FHIP1A: variants seen among roughly 807,000 people sequenced by gnomAD.
The protein encoded by FHIP1A is FHF complex subunit HOOK interacting protein 1A, also known as FHF complex subunit HOOK-interacting protein 1A.
FHIP1A carries 61 observed loss-of-function variants against 88.6 expected under a neutral mutation model. The ratio of observed to expected loss-of-function variants is 0.69; its 90% confidence interval spans 0.56 to 0.85. FHIP1A has a LOEUF of 0.85. Among genes scored for constraint, FHIP1A ranks in the 40% least tolerant of loss-of-function variants. FHIP1A has a pLI of 0.00. For missense variants in FHIP1A, 1,154 were observed against 1,273.5 expected, an observed-to-expected ratio of 0.91 and a Z score of 1.43; for synonymous variants, 478 against 496.0, an observed-to-expected ratio of 0.96 and a Z score of 0.48.
At chr4:151,418,990 G>A (rs1733008680) in intron 1 of FHIP1A, among the ~76,000 whole-genome samples, 1 of 151,994 alleles carries the variant, frequency 6.6e-6, no homozygotes, top group African/African-American at 2.4e-5. Context: ...CACCTATCAT[G>A]GTCTCTGTTG....
At chr4:151,550,671 T>C (rs1732694631) in intron 3 of FHIP1A, among the ~76,000 whole-genome samples, 1 of 152,220 alleles carries the variant, frequency 6.6e-6, no homozygotes, top group Admixed American at 6.5e-5. Context: ...AAAACTAATA[T>C]TTTCCCTCTC....
At chr4:151,413,746 C>T (rs1199971737) in intron 1 of FHIP1A, among the ~76,000 whole-genome samples, 1 of 151,826 alleles carries the variant, frequency 6.6e-6, no homozygotes, top group Non-Finnish European at 1.5e-5. Flanking sequence ...TGAGCCACCG[C>T]GCCTGGCCTC....
At chr4:151,510,740 C>T (rs180789291) in intron 3 of FHIP1A, among the ~76,000 whole-genome samples, 9 of 152,266 alleles carry the variant, frequency 5.9e-5, no homozygotes, top group African/African-American at 1.9e-4. Flanking sequence ...TTTCTGGTAA[C>T]AGCAGTAAGG....
intron 9 of FHIP1A, among the ~76,000 whole-genome samples, chr4:151,645,124 C>T (rs983582860): frequency 3.9e-5 from 6 of 152,124 alleles, no homozygotes; most frequent in African/African-American, 9.7e-5. Flanking sequence ...CATGAAACTG[C>T]GCTTATGAAA....
In FHIP1A at chr4:151,656,986, G is replaced by T; in HGVS notation, c.2869+88G>T. On this transcript the variant is annotated intron_variant, in intron 13 of 13. Coordinates refer to ENST00000435205, the MANE Select transcript of FHIP1A (RefSeq NM_001109977.3). This position sits in a 1 kb window ranked among gnomAD's most constrained non-coding sequence, Gnocchi z 4.2. Reference sequence around the variant, plus strand: ...GCCTCAGTTCACAGATGCTGCACTGGCTTCTGGATCCTAGAAGCATTCAGA... The same window carrying T: ...GCCTCAGTTCACAGATGCTGCACTGTCTTCTGGATCCTAGAAGCATTCAGA... 1 of 1,291,888 alleles carries T rather than the reference G, an allele frequency of 7.7e-7. No homozygotes were observed. 80.0% of individuals were successfully genotyped at this position (1,291,888 alleles called of 1,614,324 possible). A position where few individuals can be genotyped will look rare whatever the true frequency, so the allele number is the denominator to read the frequency against.
chr4:151,549,686 C>G (rs1208408271), intron 3 of FHIP1A, among the ~76,000 whole-genome samples: 1 of 152,010 alleles, frequency 6.6e-6, no homozygotes, highest in African/African-American at 2.4e-5. Context: ...AGTAGCCATT[C>G]TTTATTCCTT....
intron 3 of FHIP1A, among the ~76,000 whole-genome samples, chr4:151,516,271 C>T (rs1262230804): frequency 1.3e-5 from 2 of 151,854 alleles, no homozygotes; most frequent in African/African-American, 2.4e-5. Flanking sequence ...AAACTGGATC[C>T]CTTCCTTACA....
intron 3 of FHIP1A, among the ~76,000 whole-genome samples, chr4:151,532,333 A>G (rs1187365076): frequency 6.6e-6 from 1 of 152,218 alleles, no homozygotes; most frequent in Non-Finnish European, 1.5e-5. Context: ...AAAAGCTAGT[A>G]CCTCAAGTAT....
chr4:151,613,999 C>A (rs1735420040), intron 7 of FHIP1A, among the ~76,000 whole-genome samples: 1 of 151,904 alleles, frequency 6.6e-6, no homozygotes, highest in Non-Finnish European at 1.5e-5. Flanking sequence ...CCTGTCCCTA[C>A]TAAAAATACA....
chr4:151,514,680 A>T (rs1327317511), intron 3 of FHIP1A, among the ~76,000 whole-genome samples: 1 of 152,174 alleles, frequency 6.6e-6, no homozygotes, highest in Non-Finnish European at 1.5e-5. Context: ...AAACACCTCT[A>T]TGCAAATAAA....
At chr4:151,615,165 G>A (rs1402193781) in intron 7 of FHIP1A, among the ~76,000 whole-genome samples, 1 of 151,288 alleles carries the variant, frequency 6.6e-6, no homozygotes, top group Non-Finnish European at 1.5e-5. Flanking sequence ...TTGACGACGT[G>A]TTCCAAATGG....
intron 3 of FHIP1A, among the ~76,000 whole-genome samples, chr4:151,555,969 G>A (rs1324573027): frequency 6.6e-6 from 1 of 151,798 alleles, no homozygotes; most frequent in Non-Finnish European, 1.5e-5. Context: ...CTTACTCTAA[G>A]GTTTACATTC....
intron 7 of FHIP1A, among the ~76,000 whole-genome samples, chr4:151,589,452 T>A (rs1177878024): frequency 6.6e-6 from 1 of 152,202 alleles, no homozygotes; most frequent in African/African-American, 2.4e-5. Context: ...TTCTTATGAC[T>A]CTCTCATTTT....
At chr4:151,421,988 G>T (rs1162072261) in intron 1 of FHIP1A, among the ~76,000 whole-genome samples, 1 of 152,012 alleles carries the variant, frequency 6.6e-6, no homozygotes, top group South Asian at 2.1e-4. Context: ...TTCTACTAGG[G>T]GATGCAACCA....
chr4:151,649,658 G>A lies in FHIP1A; in HGVS notation c.1617G>A (p.Leu539=). The A allele has an allele frequency of 6.4e-7, 1 of 1,551,660 alleles. No individual in the cohort carries two copies. The highest frequency in any genetic ancestry group is 2.0e-5 in the Admixed American group (1 of 51,008). ...ACCCTGAGATGTTTCTCCAGAGTCT[G>A]ACGGAGGAGGGCAGTGTGAGCTCGG... is the stretch of plus-strand genomic sequence containing the variant. The part of the protein sequence containing the change: ...SPDPEMFLQS[L]TEEGSVSSAC... The change falls in exon 11 of 14, where the codon CTG becomes CTA. Residue 539 remains leucine, a synonymous_variant. Transcript: ENST00000435205.
chr4:151,643,760 G>A lies in FHIP1A; in HGVS notation c.1227-2798G>A, dbSNP rs376679262. ...GAGAACCACCATTCAGAATACTGGC[G>A]GGCTATTCATTTGAATAGACTCCCC... On this transcript the variant is annotated intron_variant, in intron 9 of 13. Coordinates refer to ENST00000435205, the MANE Select transcript of FHIP1A (RefSeq NM_001109977.3). 1.1e-3 allele frequency among the ~76,000 whole-genome samples: 167 copies of A among 152,130 alleles called. 2 individuals carry two copies. Among genetic ancestry groups the A allele is most frequent in the Middle Eastern group, 3.4e-3 (1 of 294 alleles).
intron 3 of FHIP1A, among the ~76,000 whole-genome samples, chr4:151,510,611 T>C (rs1337757567): frequency 6.6e-6 from 1 of 152,240 alleles, no homozygotes; most frequent in East Asian, 1.9e-4. Flanking sequence ...GGGATCTTAC[T>C]ATAGTCGGGA....
intron 7 of FHIP1A, among the ~76,000 whole-genome samples, chr4:151,617,986 A>G (rs1373810503): frequency 1.3e-5 from 2 of 152,186 alleles, no homozygotes; most frequent in East Asian, 1.9e-4. Context: ...CTTATCTCCA[A>G]ACTGCCAATG....
chr4:151,490,431 C>T (rs1430224978), intron 3 of FHIP1A, among the ~76,000 whole-genome samples: 3 of 152,158 alleles, frequency 2.0e-5, no homozygotes, highest in Non-Finnish European at 4.4e-5. Flanking sequence ...GTCTGTTTCT[C>T]AGGAAGCCGC....
Sources: gnomAD v4.1 joint callset for allele counts (sites outside exome capture counted in the v4.1 genomes callset) on GRCh38, gnomAD v4.1.1 for gene constraint, Gnocchi (gnomAD v3.1) non-coding constraint, MANE v1.5 for transcripts, NCBI Gene and HGNC (gene_info 2026-07-23, HGNC 2026-07-21) for gene names.